The following OR3A2 variants were observed in gnomAD, a reference collection of about 807,000 sequenced individuals.
OR3A2 encodes olfactory receptor 3A2.
For missense variants in OR3A2, 318 were observed against 392.8 expected, an observed-to-expected ratio of 0.81 and a Z score of 1.61; for synonymous variants, 126 against 159.3, an observed-to-expected ratio of 0.79 and a Z score of 1.57.
intron 1 of OR3A2, among the ~76,000 whole-genome samples, chr17:3,282,786 C>T (rs2048785490): frequency 6.6e-6 from 1 of 152,190 alleles, no homozygotes; most frequent in Non-Finnish European, 1.5e-5. Flanking sequence ...TAGTTGACTA[C>T]TTCCCTTTTT....
chr17:3,338,893 C>G (rs967196707), intron 2 of OR3A2, among the ~76,000 whole-genome samples: 1 of 152,172 alleles, frequency 6.6e-6, no homozygotes, highest in Non-Finnish European at 1.5e-5. Context: ...TTCTTCCTAT[C>G]CATGAGCATG....
At chr17:3,376,453 G>A (rs929269465) in intron 2 of OR3A2, among the ~76,000 whole-genome samples, 10 of 135,496 alleles carry the variant, frequency 7.4e-5, no homozygotes, top group Non-Finnish European at 3.1e-5. Context: ...CCTTGGGCAG[G>A]GCTTGCTGCA....
chr17:3,340,138 T>C (rs1030780977), intron 2 of OR3A2, among the ~76,000 whole-genome samples: 1 of 152,178 alleles, frequency 6.6e-6, no homozygotes, highest in Non-Finnish European at 1.5e-5. Context: ...TTATTTTTTA[T>C]TACATCTATT....
intron 2 of OR3A2, among the ~76,000 whole-genome samples, chr17:3,339,998 TG>T (rs1243572949): frequency 1.3e-5 from 2 of 152,220 alleles, no homozygotes; most frequent in East Asian, 3.8e-4. Flanking sequence ...GGTTTAGTCT[TG>T]GGAAGGTGTA....
At chr17:3,355,703 A>C (rs2049461229) in intron 2 of OR3A2, among the ~76,000 whole-genome samples, 1 of 151,102 alleles carries the variant, frequency 6.6e-6, no homozygotes, top group Non-Finnish European at 1.5e-5. Context: ...GTCTGTGTGC[A>C]TATTTATAGG....
In OR3A2 at chr17:3,341,341, G is replaced by C. The variant is rs943603806; in HGVS notation, c.-178-5215C>G. Among the ~76,000 whole-genome samples the C allele has an allele frequency of 2.0e-5, 3 of 152,186 alleles. No individual in the cohort carries two copies. In the South Asian group the frequency reaches 6.2e-4, roughly 32 times the overall value. ...CTGGTGATTTTGCCCGTTAATTGAT[G>C]CAGTTTCTTCCTAGCATTGATGGTC... is the stretch of plus-strand genomic sequence containing the variant. On this transcript the variant is annotated intron_variant, in intron 2 of 4. Transcript: ENST00000573491.
chr17:3,300,740 G>A (rs1597326970), intron 3 of OR3A2, among the ~76,000 whole-genome samples: 1 of 151,166 alleles, frequency 6.6e-6, no homozygotes, highest in African/African-American at 2.4e-5. Flanking sequence ...TGTGCACAAT[G>A]TGCAGGTTTG....
intron 2 of OR3A2, among the ~76,000 whole-genome samples, chr17:3,367,601 G>GTATATATTATATATATATATATATATATA (rs2049575465): frequency 8.2e-6 from 1 of 122,522 alleles, no homozygotes; most frequent in Non-Finnish European, 1.6e-5. Flanking sequence ...GTGTGTGTGT[G>GTATATATTATATATATATATATATATATA]TATATATATA....
chr17:3,311,262 G>C lies in OR3A2; in HGVS notation c.-85+24771C>G, dbSNP rs771599488. 3 of 535,060 alleles carry C rather than the reference G, an allele frequency of 5.6e-6. No homozygotes were observed. The African/African-American group carries it at 5.8e-5, about 10-fold the overall frequency. The allele number at this position is 535,060 out of a possible 1,614,324, so 33.1% of individuals were successfully genotyped here. A position where few individuals can be genotyped will look rare whatever the true frequency, so the allele number is the denominator to read the frequency against. ...TGCTGGCGTGTCTCCAGGCCCACCA[G>C]TGCAGAGTTCCCTATGCTGCCTGCA... On this transcript the variant is annotated intron_variant, in intron 3 of 4. Coordinates refer to the OR3A2 transcript ENST00000573491. This position sits in a 1 kb window ranked among gnomAD's most constrained non-coding sequence, Gnocchi z 4.6.
intron 2 of OR3A2, among the ~76,000 whole-genome samples, chr17:3,366,342 C>G (rs1481763560): frequency 6.6e-6 from 1 of 152,166 alleles, no homozygotes; most frequent in African/African-American, 2.4e-5. Context: ...GCCATGGGAA[C>G]TGACCCTTTA....
intron 3 of OR3A2, among the ~76,000 whole-genome samples, chr17:3,301,083 G>T (rs1348124622): frequency 6.6e-6 from 1 of 152,072 alleles, no homozygotes; most frequent in Non-Finnish European, 1.5e-5. Context: ...TCTTAATCCA[G>T]TCTATCACTG....
chr17:3,349,358 C>CA (rs1402237757), intron 2 of OR3A2, among the ~76,000 whole-genome samples: 3 of 151,376 alleles, frequency 2.0e-5, no homozygotes, highest in Admixed American at 1.3e-4. Context: ...AAATGGAAAA[C>CA]AAAAAAAGGC....
intron 3 of OR3A2, among the ~76,000 whole-genome samples, chr17:3,316,831 A>G (rs1417927785): frequency 6.6e-6 from 1 of 152,246 alleles, no homozygotes; most frequent in Non-Finnish European, 1.5e-5. Flanking sequence ...TCAGAAATGC[A>G]AAAGGCAGTA....
At chr17:3,295,543 CAAT>C (rs1332966110) in intron 3 of OR3A2, among the ~76,000 whole-genome samples, 3 of 151,948 alleles carry the variant, frequency 2.0e-5, no homozygotes, top group East Asian at 3.9e-4. Context: ...TATTTCAAAA[CAAT>C]AAAAGCAAAC....
At chr17:3,289,749 C>A (rs909832359) in intron 3 of OR3A2, among the ~76,000 whole-genome samples, 2 of 152,162 alleles carry the variant, frequency 1.3e-5, no homozygotes, top group Non-Finnish European at 2.9e-5. Context: ...CAAGGTCAAG[C>A]GTGTCGTGAA....
At chr17:3,366,841 C>T (rs972860932) in intron 2 of OR3A2, among the ~76,000 whole-genome samples, 30 of 152,198 alleles carry the variant, frequency 2.0e-4, no homozygotes, top group African/African-American at 7.2e-4. Flanking sequence ...CAGTAAACCC[C>T]TCCAGAGGCA....
chr17:3,359,894 T>C lies in OR3A2; in HGVS notation c.-178-23768A>G, dbSNP rs183160171. On this transcript the variant is annotated intron_variant, in intron 2 of 4. Coordinates refer to the OR3A2 transcript ENST00000573491. ...CGCAATAAACATATGTGTGCATGTG[T>C]CTTTATAGCAGCATGATTTATATTC... Among the ~76,000 whole-genome samples, 16 of 151,914 alleles carry C rather than the reference T, an allele frequency of 1.1e-4. No individual in the cohort carries two copies. In the East Asian group the frequency reaches 2.7e-3, roughly 26 times the overall value.
intron 2 of OR3A2, among the ~76,000 whole-genome samples, chr17:3,367,893 C>T (rs1392134262): frequency 6.6e-6 from 1 of 151,992 alleles, no homozygotes; most frequent in Non-Finnish European, 1.5e-5. Context: ...CACATCCACA[C>T]CAGTATCTAT....
intron 3 of OR3A2, chr17:3,298,180 T>C (rs1418612366): frequency 6.6e-6 from 1 of 152,022 alleles, no homozygotes; most frequent in Non-Finnish European, 1.5e-5. Context: ...CCCACAGAGA[T>C]GCCATATAAC....
Sources: gnomAD v4.1 joint callset for allele counts (sites outside exome capture counted in the v4.1 genomes callset) on GRCh38, gnomAD v4.1.1 for gene constraint, Gnocchi (gnomAD v3.1) non-coding constraint, MANE v1.5 for transcripts, NCBI Gene and HGNC (gene_info 2026-07-23, HGNC 2026-07-21) for gene names.